The following PTPN6 variants were observed in gnomAD, a reference collection of about 807,000 sequenced individuals.
The protein encoded by PTPN6 is protein tyrosine phosphatase non-receptor type 6.
In PTPN6, 18 loss-of-function variants were observed where a neutral mutation model predicts 81.5. The observed-to-expected ratio is 0.22, with a 90% CI of 0.15 to 0.33. The LOEUF (loss-of-function observed/expected upper bound fraction) is 0.33. Among genes scored for constraint, PTPN6 ranks in the 10% least tolerant of loss-of-function variants. PTPN6 has a pLI of 1.00. For synonymous variants in PTPN6, 301 were observed against 310.9 expected (o/e 0.97, Z 0.33); for missense variants, 500 against 794.2 (o/e 0.63, Z 4.45).
chr12:6,951,271 G>A, upstream of PTPN6: 2 of 1,447,008 alleles, frequency 1.4e-6, no homozygotes, highest in South Asian at 2.9e-5. The surrounding 1 kb of genome is among the most constrained non-coding windows in gnomAD (Gnocchi z 7.2). Flanking sequence ...CCCTTGCTGT[G>A]CTCTAAAACG....
At position 6,952,712 on chromosome 12, in the gene PTPN6, G is replaced by A. The variant is rs782123053; in HGVS notation, c.326+535G>A. 1.2e-4 allele frequency: 24 copies of A among 196,348 alleles called. No individual in the cohort carries two copies. Among genetic ancestry groups the A allele is most frequent in the Admixed American group, 9.1e-4 (17 of 18,696 alleles). The allele number at this position is 196,348 out of a possible 1,614,324, so 12.2% of individuals were successfully genotyped here. ...CAAATAGGTCTCCGGCCCAAACAGA[G>A]ATCATTGAGAGCACGATGTGAAGTG... On this transcript the variant is annotated intron_variant, in intron 3 of 15. Coordinates refer to ENST00000318974, the MANE Select transcript of PTPN6 (RefSeq NM_002831.6). This position sits in a 1 kb window ranked among gnomAD's most constrained non-coding sequence, Gnocchi z 8.1.
intron 3 of PTPN6, chr12:6,953,351 G>A (rs781859423): frequency 6.6e-6 from 1 of 152,160 alleles, no homozygotes; most frequent in East Asian, 1.9e-4. Context: ...GCCAGGAGAG[G>A]AGGACGGGCT....
At position 6,959,028 on chromosome 12, in the gene PTPN6, C is replaced by T. The variant is rs186471260; in HGVS notation, c.1362-899C>T. On this transcript the variant is annotated intron_variant, in intron 11 of 15. Transcript: ENST00000318974. This position sits in a 1 kb window ranked among gnomAD's most constrained non-coding sequence, Gnocchi z 6.6. ...TGCCCCGGTCCCTTCCCACTCCCTCCGTGGACCCCAGGCCTGCGACGGCCT... is the reference window on the plus strand; with the variant it reads ...TGCCCCGGTCCCTTCCCACTCCCTCTGTGGACCCCAGGCCTGCGACGGCCT... 1.3e-5 allele frequency among the ~76,000 whole-genome samples: 2 copies of T among 152,214 alleles called. No individual in the cohort carries two copies. The highest frequency in any genetic ancestry group is 2.9e-5 in the Non-Finnish European group (2 of 68,038).
At position 6,951,541 on chromosome 12, in the gene PTPN6, G is replaced by C; in HGVS notation, c.8+21G>C. The C allele has an allele frequency of 6.2e-7, 1 of 1,613,980 alleles. No homozygotes were observed. Among genetic ancestry groups the C allele is most frequent in the Middle Eastern group, 1.7e-4 (1 of 6,060 alleles). Reference sequence around the variant, plus strand: ...GTGAGGTAAGGGCCTGCCACCCACGGTAGACAGGAGGCAAGGGTGCCTGGT... The same window carrying C: ...GTGAGGTAAGGGCCTGCCACCCACGCTAGACAGGAGGCAAGGGTGCCTGGT... On this transcript the variant is annotated intron_variant, in intron 1 of 15. Coordinates refer to ENST00000318974, the MANE Select transcript of PTPN6 (RefSeq NM_002831.6). This position sits in a 1 kb window ranked among gnomAD's most constrained non-coding sequence, Gnocchi z 7.2.
In PTPN6 at chr12:6,957,689, G is replaced by A. The variant is rs1946056311; in HGVS notation, c.1110G>A (p.Met370Ile). ...KCVPYWPEVGMQRAYGPYSVT... is the reference protein window; with the variant it reads ...KCVPYWPEVGIQRAYGPYSVT... ...TCCCATACTGGCCCGAGGTGGGCATGCAGCGTGCTTATGGGCCCTACTCTG... is the reference window on the plus strand; with the variant it reads ...TCCCATACTGGCCCGAGGTGGGCATACAGCGTGCTTATGGGCCCTACTCTG... The change falls in exon 10 of 16, where the codon ATG becomes ATA. Residue 370 changes from methionine to isoleucine, a missense_variant. Around this residue, in one of 6 missense-constraint regions of PTPN6, gnomAD observed 226 missense variants for 364.4 expected, o/e 0.62. Transcript: ENST00000318974. This position sits in a 1 kb window ranked among gnomAD's most constrained non-coding sequence, Gnocchi z 6.5. The A allele has an allele frequency of 1.2e-6, 2 of 1,606,954 alleles. No homozygotes were observed. Among genetic ancestry groups the A allele is most frequent in the Non-Finnish European group, 1.7e-6 (2 of 1,175,382 alleles).
upstream of PTPN6, among the ~76,000 whole-genome samples, chr12:6,947,059 C>T (rs1190221511): frequency 6.6e-6 from 1 of 152,334 alleles, no homozygotes; most frequent in East Asian, 1.9e-4. Context: ...CACAACACCT[C>T]AAACATAGCA....
chr12:6,948,945 CAAAAA>C (rs1165231109), upstream of PTPN6, among the ~76,000 whole-genome samples: 1 of 84,992 alleles, frequency 1.2e-5, no homozygotes. Context: ...GACTCCATCT[CAAAAA>C]AAAAAAAAAA....
chr12:6,959,659 G>A lies in PTPN6; in HGVS notation c.1362-268G>A. 1.7e-6 allele frequency: 1 copy of A among 580,748 alleles called. No individual in the cohort carries two copies. Among genetic ancestry groups the A allele is most frequent in the East Asian group, 2.9e-5 (1 of 34,616 alleles). The allele number at this position is 580,748 out of a possible 1,614,324, so 36.0% of individuals were successfully genotyped here. On this transcript the variant is annotated intron_variant, in intron 11 of 15. Coordinates refer to ENST00000318974, the MANE Select transcript of PTPN6 (RefSeq NM_002831.6). The surrounding 1 kb of genome is among the most constrained non-coding windows in gnomAD (Gnocchi z 6.6). ...GGGTGGGGGCAGCCACTCACTAGGA[G>A]TGAGGAGTCGGCGCGAGGAGTGGAG...
In PTPN6 at chr12:6,957,621, G is replaced by C. The variant is rs1213774723; in HGVS notation, c.1075-33G>C. ...GGGATGGGCCACAGTGCCCTGCTCT[G>C]TGCCTCATCCCCACCCGACCCTCCC... On this transcript the variant is annotated intron_variant, in intron 9 of 15. Coordinates refer to ENST00000318974, the MANE Select transcript of PTPN6 (RefSeq NM_002831.6). This position sits in a 1 kb window ranked among gnomAD's most constrained non-coding sequence, Gnocchi z 6.5. 6.2e-7 allele frequency: 1 copy of C among 1,608,412 alleles called. No individual in the cohort carries two copies. Among genetic ancestry groups the C allele is most frequent in the Non-Finnish European group, 8.5e-7 (1 of 1,177,912 alleles).
chr12:6,951,225 TCCCC>T, upstream of PTPN6: 18 of 1,420,068 alleles, frequency 1.3e-5, no homozygotes, highest in East Asian at 7.8e-5. This position sits in a 1 kb window ranked among gnomAD's most constrained non-coding sequence, Gnocchi z 7.2. Flanking sequence ...GTGGGCCCCG[TCCCC>T]ACCCCCAGTG....
upstream of PTPN6, chr12:6,946,640 G>C (rs782297110): frequency 4.7e-5 from 55 of 1,161,636 alleles, 1 homozygote; most frequent in African/African-American, 6.5e-4. Context: ...TCCTCACCTG[G>C]CTTGGGCCAC....
At chr12:6,948,770 C>G (rs1363011657), upstream of PTPN6, among the ~76,000 whole-genome samples, 1 of 151,584 alleles carries the variant, frequency 6.6e-6, no homozygotes, top group Non-Finnish European at 1.5e-5. Context: ...GAAACCCTGT[C>G]TCAACTAAAG....
In PTPN6 at chr12:6,960,082, A is replaced by C. The variant is rs1251461500; in HGVS notation, c.1430-6A>C. 4 of 1,613,452 alleles carry C rather than the reference A, an allele frequency of 2.5e-6. No individual in the cohort carries two copies. Among genetic ancestry groups the C allele is most frequent in the Non-Finnish European group, 3.4e-6 (4 of 1,179,970 alleles). On this transcript the variant is annotated splice_polypyrimidine_tract_variant and splice_region_variant and intron_variant, in intron 12 of 15. Transcript: ENST00000318974. This position sits in a 1 kb window ranked among gnomAD's most constrained non-coding sequence, Gnocchi z 6.1. Reference sequence around the variant, plus strand: ...TGGACCTGAGGTTTGACTGCCCCCCACCCAGGCCTGGACTGTGACATTGAC... The same window carrying C: ...TGGACCTGAGGTTTGACTGCCCCCCCCCCAGGCCTGGACTGTGACATTGAC...
At chr12:6,947,381 C>T (rs782516741), upstream of PTPN6, among the ~76,000 whole-genome samples, 1 of 152,176 alleles carries the variant, frequency 6.6e-6, no homozygotes, top group Non-Finnish European at 1.5e-5. Flanking sequence ...AGAAAATAGA[C>T]AGCCTTGGCC....
chr12:6,955,012 C>T lies in PTPN6; in HGVS notation c.516+18C>T, dbSNP rs370181560. On this transcript the variant is annotated intron_variant, in intron 4 of 15. Coordinates refer to ENST00000318974, the MANE Select transcript of PTPN6 (RefSeq NM_002831.6). This position sits in a 1 kb window ranked among gnomAD's most constrained non-coding sequence, Gnocchi z 7.2. The stretch of plus-strand genomic sequence containing the variant: ...TGTGCGAGGTAAGGCAGCCAGGCGG[C>T]GGGGGAGCCTCTGCTGAGGCTCCTG... 83 of 1,613,614 alleles carry T rather than the reference C, an allele frequency of 5.1e-5. No individual in the cohort carries two copies. In the East Asian group the frequency reaches 8.0e-4, roughly 16 times the overall value.
chr12:6,958,211 C>T (rs1946067030), intron 11 of PTPN6, 138 bp downstream of exon 11: 2 of 1,238,474 alleles, frequency 1.6e-6, no homozygotes, highest in East Asian at 2.5e-5. Context: ...TCCTGGGTCC[C>T]CTCATGGCTC....
Position 6,957,638 on chromosome 12 carries a change from G to T in PTPN6, c.1075-16G>T. On this transcript the variant is annotated splice_polypyrimidine_tract_variant and intron_variant, in intron 9 of 15. Transcript: ENST00000318974. This position sits in a 1 kb window ranked among gnomAD's most constrained non-coding sequence, Gnocchi z 6.5. Reference sequence around the variant, plus strand: ...CCTGCTCTGTGCCTCATCCCCACCCGACCCTCCCTTTCCAGAACAAATGCG... The same window carrying T: ...CCTGCTCTGTGCCTCATCCCCACCCTACCCTCCCTTTCCAGAACAAATGCG... 1.2e-6 allele frequency: 1 copy of T among 836,324 alleles called. No individual in the cohort carries two copies. The highest frequency in any genetic ancestry group is 1.9e-6 in the Non-Finnish European group (1 of 522,982). The allele number at this position is 836,324 out of a possible 1,614,324, so 51.8% of individuals were successfully genotyped here. A position where few individuals can be genotyped will look rare whatever the true frequency, so the allele number is the denominator to read the frequency against.
Position 6,960,089 on chromosome 12 carries a change from C to T in PTPN6, c.1431C>T (p.Gly477=). 6.8e-6 allele frequency: 11 copies of T among 1,613,662 alleles called. No individual in the cohort carries two copies. Among genetic ancestry groups the T allele is most frequent in the Non-Finnish European group, 9.3e-6 (11 of 1,180,004 alleles). The change falls in exon 13 of 16, where the codon GGC becomes GGT. Residue 477 remains glycine (G), a splice_region_variant and synonymous_variant. Transcript: ENST00000318974. The surrounding 1 kb of genome is among the most constrained non-coding windows in gnomAD (Gnocchi z 6.1). The stretch of plus-strand genomic sequence containing the variant: ...GAGGTTTGACTGCCCCCCACCCAGG[C>T]CTGGACTGTGACATTGACATCCAGA... ...DMLMENISTK[G]LDCDIDIQKT...
chr12:6,949,459 G>T (rs1555147359), upstream of PTPN6, among the ~76,000 whole-genome samples: 1 of 152,166 alleles, frequency 6.6e-6, no homozygotes, highest in Non-Finnish European at 1.5e-5. Flanking sequence ...AGGGCACCAG[G>T]CTCCGGCGTC....
Sources: allele counts gnomAD v4.1 joint callset (sites outside exome capture counted in the v4.1 genomes callset), GRCh38; gene constraint gnomAD v4.1.1; regional missense constraint gnomAD v4.1.1; non-coding constraint Gnocchi (gnomAD v3.1); transcripts MANE v1.5; gene names NCBI Gene and HGNC (gene_info 2026-07-23, HGNC 2026-07-21).